The following PARP12 variants were observed in gnomAD, a reference collection of about 807,000 sequenced individuals.
The protein encoded by PARP12 is poly(ADP-ribose) polymerase family member 12, also known as protein mono-ADP-ribosyltransferase PARP12.
Under a neutral mutation model 72.4 loss-of-function variants are expected in PARP12, and 59 were observed. The observed-to-expected ratio is 0.81, with a 90% CI of 0.66 to 1.01. The LOEUF (loss-of-function observed/expected upper bound fraction) is 1.01. PARP12 is among the 50% of genes least tolerant of loss of function. PARP12 has a pLI of 0.00. For missense variants in PARP12, 851 were observed against 914.0 expected (o/e 0.93, Z 0.89); for synonymous variants, 403 against 371.4 (o/e 1.09, Z -0.98).
chr7:140,046,411 GA>G (rs1160915854), intron 5 of PARP12, among the ~76,000 whole-genome samples: 4 of 151,432 alleles, frequency 2.6e-5, no homozygotes, highest in Admixed American at 6.6e-5. Flanking sequence ...CATGCTTGGG[GA>G]AAAAAAAAGT....
chr7:140,056,017 A>C (rs896790374), intron 3 of PARP12, among the ~76,000 whole-genome samples: 3 of 152,238 alleles, frequency 2.0e-5, no homozygotes, highest in African/African-American at 7.2e-5. Flanking sequence ...ACCAGCACCC[A>C]AGACAGCGCC....
At chr7:140,062,463 G>T in intron 1 of PARP12, 59 bp downstream of exon 1, 1 of 1,469,812 alleles carries the variant, frequency 6.8e-7, no homozygotes, top group Non-Finnish European at 9.0e-7. Flanking sequence ...AAGCGGGCTG[G>T]AAGTGCGTGA....
At chr7:140,029,307 T>A (rs1165052300) in intron 8 of PARP12, among the ~76,000 whole-genome samples, 1 of 152,206 alleles carries the variant, frequency 6.6e-6, no homozygotes, top group South Asian at 2.1e-4. Flanking sequence ...ACATTATCTT[T>A]CTAAAAATTA....
At chr7:140,044,185 G>C (rs978350307) in intron 5 of PARP12, among the ~76,000 whole-genome samples, 1 of 151,992 alleles carries the variant, frequency 6.6e-6, no homozygotes, top group African/African-American at 2.4e-5. Flanking sequence ...CAGCCAGAGA[G>C]AAAAAAACAG....
chr7:140,057,890 G>A lies in PARP12; in HGVS notation c.462+9C>T, dbSNP rs776676302. On this transcript the variant is annotated intron_variant, in intron 2 of 11. Transcript: ENST00000263549. ...GAGCTGTGGAACCCAGACTTCCCCT[G>A]GCACTCACTTCTGGCAAAAGCCAGG... 4.5e-5 allele frequency: 73 copies of A among 1,613,906 alleles called. No homozygotes were observed. Among genetic ancestry groups the A allele is most frequent in the Non-Finnish European group, 5.8e-5 (68 of 1,180,006 alleles).
chr7:140,037,813 T>C lies in PARP12; in HGVS notation c.1226A>G (p.Glu409Gly). 6.2e-7 allele frequency: 1 copy of C among 1,613,930 alleles called. No homozygotes were observed. Among genetic ancestry groups the C allele is most frequent in the Non-Finnish European group, 8.5e-7 (1 of 1,179,770 alleles). ...TGTACAGTAGGCCAGGTAGGCCTTC[T>C]CCACGTCGCTACTGCTGACAGTGGT... Reference protein sequence around the residue: ...PVTTVSSSDVEKAYLAYCTPG... With the variant: ...PVTTVSSSDVGKAYLAYCTPG... Residue 409 changes from glutamate (E) to glycine (G), a missense_variant, in exon 7 of 12, where the codon GAG becomes GGG. Glu to Gly is a moderately conservative substitution (Grantham distance 98). Transcript: ENST00000263549.
rs1276410585 is a variant in PARP12 at position 140,062,796 on chromosome 7, C to G, written c.52G>C (p.Gly18Arg). The stretch of plus-strand genomic sequence containing the variant: ...AGCTCGGGCAACTCCAGGGCGCCCC[C>G]GGCCGCGCACAGCACCTGGGTGACC... ...GEVTQVLCAA[G>R]GALELPELRR... Residue 18 changes from glycine (G) to arginine (R), a missense_variant, in exon 1 of 12, where the codon GGG (glycine) becomes CGG (arginine). Gly to Arg is a moderately radical substitution (Grantham distance 125). Transcript: ENST00000263549. The G allele has an allele frequency of 7.1e-7, 1 of 1,411,990 alleles. No homozygotes were observed. The highest frequency in any genetic ancestry group is 1.4e-5 in the South Asian group (1 of 71,586). The allele number at this position is 1,411,990 out of a possible 1,614,324, so 87.5% of individuals were successfully genotyped here.
rs1177138361 is a variant in PARP12, at chr7:140,024,877, A to C, written c.1789T>G (p.Phe597Val). ...TGGGAATATGCAGCATCTCGGGCAA[A>C]GTAGCTCCCTGAAATGACACACGAG... Reference protein sequence around the residue: ...HGTSYGKGSYFARDAAYSHHY... With the variant: ...HGTSYGKGSYVARDAAYSHHY... Residue 597 changes from phenylalanine (F) to valine (V), a missense_variant, in exon 12 of 12, where the codon TTT becomes GTT. This residue lies in a region of PARP12 where 347 missense variants were observed against 396.1 expected (regional missense o/e 0.88). Transcript: ENST00000263549. The C allele has an allele frequency of 4.3e-6, 7 of 1,612,528 alleles. No individual in the cohort carries two copies. Among genetic ancestry groups the C allele is most frequent in the Non-Finnish European group, 5.9e-6 (7 of 1,178,850 alleles).
rs1156810439 is a variant in PARP12 at position 140,062,533 on chromosome 7, G to A, written c.315C>T (p.Phe105=). 3.9e-6 allele frequency: 6 copies of A among 1,552,542 alleles called. No homozygotes were observed. The highest frequency in any genetic ancestry group is 5.2e-6 in the Non-Finnish European group (6 of 1,153,736). The change falls in exon 1 of 12, where the codon TTC becomes TTT. Residue 105 remains phenylalanine, a synonymous_variant. Transcript: ENST00000263549. ...GCGCGGCGCCTTACCCGGCTCTCAG[G>A]AACTTGCAGGCGCCGTAGACCATGA... is the stretch of plus-strand genomic sequence containing the variant. ...CRFMVYGACK[F]LRAGKNCRNS...
At position 140,024,181 on chromosome 7, in the gene PARP12, C is replaced by T. The variant is rs1159706582; in HGVS notation, c.*379G>A. 3 of 314,372 alleles carry T rather than the reference C, an allele frequency of 9.5e-6. No homozygotes were observed. Among genetic ancestry groups the T allele is most frequent in the African/African-American group, 6.5e-5 (3 of 45,902 alleles). 19.5% of individuals were successfully genotyped at this position (314,372 alleles called of 1,614,324 possible). On this transcript the variant is annotated 3_prime_UTR_variant, in exon 12 of 12. Coordinates refer to ENST00000263549, the MANE Select transcript of PARP12 (RefSeq NM_022750.4). Reference sequence around the variant, plus strand: ...TGTCATTCTGGAAAAACTATGATGCCATGAGACTCTGAGAAACCGAATCAC... The same window carrying T: ...TGTCATTCTGGAAAAACTATGATGCTATGAGACTCTGAGAAACCGAATCAC...
chr7:140,029,979 G>T (rs919670106), intron 8 of PARP12, among the ~76,000 whole-genome samples: 7 of 152,182 alleles, frequency 4.6e-5, no homozygotes, highest in Non-Finnish European at 8.8e-5. Flanking sequence ...CAGTGGAGGC[G>T]ATTTTCAAAG....
rs1038944537 is a variant in PARP12, at chr7:140,028,680, T to C, written c.1430A>G (p.Lys477Arg). ...DVTTMQTCNT[K>R]FPGPKSIPDY... ...TGGGATGCTCTTCGGGCCTGGAAAC[T>C]TGGTATTGCTACAAAAATGTAAACA... The change falls in exon 9 of 12, where the codon AAG becomes AGG. Residue 477 changes from lysine (K) to arginine (R), a missense_variant. Transcript: ENST00000263549. 1.2e-6 allele frequency: 2 copies of C among 1,601,676 alleles called. No individual in the cohort carries two copies. Among genetic ancestry groups the C allele is most frequent in the Admixed American group, 3.4e-5 (2 of 58,590 alleles).
intron 8 of PARP12, 178 bp from the exon 9 acceptor site, chr7:140,028,866 A>G: frequency 2.0e-6 from 1 of 492,812 alleles, no homozygotes; most frequent in Non-Finnish European, 3.6e-6. Flanking sequence ...GAGCACTTTT[A>G]TCTTTGCCTA....
Position 140,062,654 on chromosome 7 carries a change from A to C in PARP12, c.194T>G (p.Val65Gly), listed in dbSNP as rs2116696018. The C allele has an allele frequency of 7.3e-7, 1 of 1,368,662 alleles. No individual in the cohort carries two copies. Among genetic ancestry groups the C allele is most frequent in the South Asian group, 1.6e-5 (1 of 62,834 alleles). The allele number at this position is 1,368,662 out of a possible 1,614,324, so 84.8% of individuals were successfully genotyped here. A position where few individuals can be genotyped will look rare whatever the true frequency, so the allele number is the denominator to read the frequency against. ...AGGAAAAPERVVLAASPLRLC... is the reference protein window; with the variant it reads ...AGGAAAAPERGVLAASPLRLC... ...GCGCAGCGGCGAGGCGGCCAGCACC[A>C]CGCGCTCCGGGGCCGCGGCTGCGCC... Residue 65 changes from valine (V) to glycine (G), a missense_variant, in exon 1 of 12, where the codon GTG (valine) becomes GGG (glycine). This residue lies in a region of PARP12 where 492 missense variants were observed against 489.3 expected (regional missense o/e 1.01). Transcript: ENST00000263549.
At chr7:140,062,419 C>T (rs1344153329) in intron 1 of PARP12, 103 bp downstream of exon 1, 5 of 1,218,922 alleles carry the variant, frequency 4.1e-6, no homozygotes, top group African/African-American at 1.6e-5. Flanking sequence ...GCAGAGCCAC[C>T]GAATTGTCTG....
Position 140,062,586 on chromosome 7 carries a change from GC to G in PARP12, c.261del (p.Leu88SerfsTer19). On this transcript the variant is annotated frameshift_variant, in exon 1 of 12. Coordinates refer to ENST00000263549, the MANE Select transcript of PARP12 (RefSeq NM_022750.4). LOFTEE classifies it high-confidence loss of function. Reference protein sequence around the residue: ...AHQGSKPGCVGLCAQLHLCRF... With the variant: ...AHQGSKPGCVXLCAQLHLCRF... ...CTGCAGAGGTGGAGCTGCGCGCAGA[GC>G]CCCACGCAGCCCGGCTTGGAGCCCT... 3 of 1,533,642 alleles carry G rather than the reference GC, an allele frequency of 2.0e-6. No homozygotes were observed. The highest frequency in any genetic ancestry group is 8.7e-7 in the Non-Finnish European group (1 of 1,144,802).
At chr7:140,058,480 A>T (rs1817286330) in intron 1 of PARP12, among the ~76,000 whole-genome samples, 1 of 151,718 alleles carries the variant, frequency 6.6e-6, no homozygotes, top group Non-Finnish European at 1.5e-5. Context: ...AGCCTGGGCA[A>T]CAGAGTGAGA....
intron 7 of PARP12, 43 bp from the exon 8 acceptor site, chr7:140,034,374 TACATAC>T: frequency 6.8e-7 from 1 of 1,463,744 alleles, no homozygotes; most frequent in African/African-American, 1.4e-5. Flanking sequence ...CATATACATA[TACATAC>T]ACACAGGATG....
At position 140,062,692 on chromosome 7, in the gene PARP12, C is replaced by T. The variant is rs1431344489; in HGVS notation, c.156G>A (p.Ala52=). ...CCGCGGCTGCGCCGCCCGCCCGCACCGCCACCACGAAGCGCCCACGCTGCC... is the reference window on the plus strand; with the variant it reads ...CCGCGGCTGCGCCGCCCGCCCGCACTGCCACCACGAAGCGCCCACGCTGCC... The part of the protein sequence containing the change: ...LLRQRGRFVV[A]VRAGGAAAAP... Residue 52 remains alanine (A), a synonymous_variant, in exon 1 of 12, where the codon GCG becomes GCA. Transcript: ENST00000263549. 2.3e-6 allele frequency: 3 copies of T among 1,303,532 alleles called. No individual in the cohort carries two copies. Among genetic ancestry groups the T allele is most frequent in the East Asian group, 3.4e-5 (1 of 29,030 alleles). The allele number at this position is 1,303,532 out of a possible 1,614,324, so 80.7% of individuals were successfully genotyped here. A position where few individuals can be genotyped will look rare whatever the true frequency, so the allele number is the denominator to read the frequency against.
Sources: allele counts gnomAD v4.1 joint callset (sites outside exome capture counted in the v4.1 genomes callset), GRCh38; gene constraint gnomAD v4.1.1; regional missense constraint gnomAD v4.1.1; transcripts MANE v1.5; gene names NCBI Gene and HGNC (gene_info 2026-07-23, HGNC 2026-07-21).